The following FAM149A variants were observed in gnomAD, a reference collection of about 807,000 sequenced individuals.
FAM149A encodes the protein family with sequence similarity 149 member A.
Under a neutral mutation model 78.2 loss-of-function variants are expected in FAM149A, and 71 were observed. The ratio of observed to expected loss-of-function variants is 0.91; its 90% CI spans 0.75 to 1.11. FAM149A has a LOEUF of 1.11. Ranked by LOEUF, FAM149A falls within the 50% of genes least tolerant of loss-of-function variation. FAM149A has a pLI of 0.00. For missense variants in FAM149A, 1,036 were observed against 971.0 expected, an observed-to-expected ratio of 1.07 and a Z score of -0.89; for synonymous variants, 446 against 410.5, an observed-to-expected ratio of 1.09 and a Z score of -1.04.
chr4:186,109,873 T>C, intron 1 of FAM149A: 1 of 985,392 alleles, frequency 1.0e-6, no homozygotes, highest in Non-Finnish European at 1.2e-6. Context: ...ATCATTACCT[T>C]CCCTGCATGA....
intron 1 of FAM149A, among the ~76,000 whole-genome samples, chr4:186,108,256 G>A (rs1421055273): frequency 6.6e-6 from 1 of 152,112 alleles, no homozygotes; most frequent in Non-Finnish European, 1.5e-5. Flanking sequence ...ATGAGAATGT[G>A]AATACATATA....
At chr4:186,128,473 T>TAA (rs565736202) in intron 1 of FAM149A, among the ~76,000 whole-genome samples, 2 of 144,744 alleles carry the variant, frequency 1.4e-5, no homozygotes, top group African/African-American at 5.1e-5. Flanking sequence ...CTAAATATTA[T>TAA]AAAAAAAAAA....
In FAM149A at chr4:186,127,295, G is replaced by GTA. The variant is rs1369464462; in HGVS notation, c.566+21653_566+21654insTA. 5.1e-6 allele frequency: 5 copies of GTA among 983,842 alleles called. No individual in the cohort carries two copies. The African/African-American group carries it at 8.7e-5, about 17-fold the overall frequency. The allele number at this position is 983,842 out of a possible 1,614,324, so 60.9% of individuals were successfully genotyped here. On this transcript the variant is annotated intron_variant, in intron 1 of 13. Transcript: ENST00000389354. ...TTTCTTCCGGAGAGTTAGTCTACCA[G>GTA]CACACTGCTGCTAGGAAGTATAAGA...
chr4:186,123,575 G>A (rs1290955040), intron 1 of FAM149A, among the ~76,000 whole-genome samples: 1 of 152,220 alleles, frequency 6.6e-6, no homozygotes, highest in Non-Finnish European at 1.5e-5. Flanking sequence ...CAGCTGGTTT[G>A]CAAGCTCGGT....
intron 7 of FAM149A, among the ~76,000 whole-genome samples, chr4:186,156,895 A>T (rs1286938458): frequency 1.4e-5 from 1 of 73,710 alleles, no homozygotes; most frequent in African/African-American, 3.6e-5. Context: ...GGACCCCTTG[A>T]GCTCAGGAAT....
chr4:186,113,372 G>T, intron 1 of FAM149A, among the ~76,000 whole-genome samples: 1 of 92,728 alleles, frequency 1.1e-5, no homozygotes, highest in Non-Finnish European at 2.2e-5. Context: ...TTTTTGAAGG[G>T]TTTTTTGTGT....
intron 4 of FAM149A, 75 bp from the exon 5 acceptor site, chr4:186,153,570 T>C: frequency 3.2e-6 from 5 of 1,554,314 alleles, no homozygotes; most frequent in Non-Finnish European, 3.5e-6. Context: ...AATCATTGTC[T>C]CCTACTTTTA....
At chr4:186,132,293 G>T (rs2099321061) in intron 1 of FAM149A, 1 of 865,700 alleles carries the variant, frequency 1.2e-6, no homozygotes, top group South Asian at 5.3e-5. Flanking sequence ...CAATGAAATT[G>T]ATTTAAAAGC....
Position 186,170,005 on chromosome 4 carries a change from G to T in FAM149A, c.2219-1909G>T, listed in dbSNP as rs1028069334. The T allele has an allele frequency of 2.5e-5, 23 of 911,966 alleles. No individual in the cohort carries two copies. In the Admixed American group the frequency reaches 1.4e-3, roughly 54 times the overall value. The allele number at this position is 911,966 out of a possible 1,614,324, so 56.5% of individuals were successfully genotyped here. ...TTAACCATTTTTTTAATGCTTCAAA[G>T]TTCATCCCCATTTGGGGAGTGGGAA... On this transcript the variant is annotated intron_variant, in intron 13 of 13. Coordinates refer to ENST00000389354, the MANE Select transcript of FAM149A (RefSeq NM_001367768.3).
chr4:186,105,662 G>T lies in FAM149A; in HGVS notation c.566+20G>T, dbSNP rs1298543850. Reference sequence around the variant, plus strand: ...CGAAGCGTGAGTAGCAGCGTGGTCCGGGCGCGTGTACCTTTTGCCGGGACC... The same window carrying T: ...CGAAGCGTGAGTAGCAGCGTGGTCCTGGCGCGTGTACCTTTTGCCGGGACC... On this transcript the variant is annotated intron_variant, in intron 1 of 13. Transcript: ENST00000389354. 1.9e-6 allele frequency: 2 copies of T among 1,052,328 alleles called. No homozygotes were observed. The highest frequency in any genetic ancestry group is 2.3e-6 in the Non-Finnish European group (2 of 868,306). 65.2% of individuals were successfully genotyped at this position (1,052,328 alleles called of 1,614,324 possible).
Position 186,162,952 on chromosome 4 carries a change from C to A in FAM149A, c.1679+4C>A. ...CCTATTTTGCTGACAGAACGCAGTA[C>A]GTATCAGAATCAGTAGTAGTTACCC... On this transcript the variant is annotated splice_donor_region_variant and intron_variant, in intron 9 of 13. Transcript: ENST00000389354. 1.3e-6 allele frequency: 2 copies of A among 1,570,896 alleles called. No homozygotes were observed. Among genetic ancestry groups the A allele is most frequent in the Non-Finnish European group, 1.7e-6 (2 of 1,144,108 alleles).
At position 186,158,039 on chromosome 4, in the gene FAM149A, CTG is replaced by C. The variant is rs771650900; in HGVS notation, c.1575+322_1575+323del. On this transcript the variant is annotated intron_variant, in intron 8 of 13. Transcript: ENST00000389354. The stretch of plus-strand genomic sequence containing the variant: ...AAAGGACGGACCAGCGATGGCATCT[CTG>C]TCATAAATCTGAAGGGACCTGGGAG... The C allele has an allele frequency of 7.1e-6, 10 of 1,404,726 alleles. No homozygotes were observed. The East Asian group carries it at 2.5e-4, about 35-fold the overall frequency. 87.0% of individuals were successfully genotyped at this position (1,404,726 alleles called of 1,614,324 possible).
In FAM149A at chr4:186,169,395, C is replaced by T. The variant is rs562608722; in HGVS notation, c.2218+2133C>T. ...GGTGCAATGAGGCGCGTGCCCCATG[C>T]AGACGTCCCCAGGCCCCAGGTGAGG... On this transcript the variant is annotated intron_variant, in intron 13 of 13. Coordinates refer to ENST00000389354, the MANE Select transcript of FAM149A (RefSeq NM_001367768.3). 3.6e-5 allele frequency: 35 copies of T among 985,440 alleles called. No homozygotes were observed. The African/African-American group carries it at 5.8e-4, about 16-fold the overall frequency. The allele number at this position is 985,440 out of a possible 1,614,324, so 61.0% of individuals were successfully genotyped here.
intron 8 of FAM149A, among the ~76,000 whole-genome samples, chr4:186,159,872 A>C (rs1194831669): frequency 8.4e-6 from 1 of 118,370 alleles, no homozygotes; most frequent in African/African-American, 3.0e-5. Context: ...TGAGCTACAC[A>C]GAATTTATAG....
intron 1 of FAM149A, chr4:186,131,930 A>G (rs1288729645): frequency 2.0e-6 from 2 of 985,372 alleles, no homozygotes; most frequent in African/African-American, 3.5e-5. Flanking sequence ...TTGTAAGGCC[A>G]GCTAGCCCTT....
Position 186,157,703 on chromosome 4 carries a change from G to C in FAM149A, c.1559G>C (p.Arg520Pro). Reference sequence around the variant, plus strand: ...GCTCACGGCATCTCCCTGGCTTCTCGTCTGAACCCGCCCCAGGTCGGTGCT... The same window carrying C: ...GCTCACGGCATCTCCCTGGCTTCTCCTCTGAACCCGCCCCAGGTCGGTGCT... Residue 520 changes from arginine (R) to proline (P), a missense_variant, in exon 8 of 14, where the codon CGT becomes CCT. By Grantham distance (103) the Arg-to-Pro change is moderately radical (BLOSUM62 -2). Transcript: ENST00000389354. The C allele has an allele frequency of 6.2e-7, 1 of 1,610,870 alleles. No individual in the cohort carries two copies. Among genetic ancestry groups the C allele is most frequent in the Non-Finnish European group, 8.5e-7 (1 of 1,178,184 alleles).
chr4:186,158,799 C>G lies in FAM149A; in HGVS notation c.1575+1080C>G, dbSNP rs971475044. On this transcript the variant is annotated intron_variant, in intron 8 of 13. Transcript: ENST00000389354. Reference sequence around the variant, plus strand: ...CCAGGCAAGCCTGTTCTGCAGCTCCCAATGCTCAGGCCCCTGAATGAGGAG... The same window carrying G: ...CCAGGCAAGCCTGTTCTGCAGCTCCGAATGCTCAGGCCCCTGAATGAGGAG... The G allele has an allele frequency of 2.4e-5, 24 of 1,019,664 alleles. No homozygotes were observed. The African/African-American group carries it at 4.2e-4, about 18-fold the overall frequency. The allele number at this position is 1,019,664 out of a possible 1,614,324, so 63.2% of individuals were successfully genotyped here. A position where few individuals can be genotyped will look rare whatever the true frequency, so the allele number is the denominator to read the frequency against.
chr4:186,160,013 C>CAAACA (rs1734411907), intron 8 of FAM149A, among the ~76,000 whole-genome samples: 1 of 142,188 alleles, frequency 7.0e-6, no homozygotes, highest in African/African-American at 2.6e-5. Context: ...CCCCACACAC[C>CAAACA]CCCCACACAA....
In FAM149A at chr4:186,144,873, G is replaced by T; in HGVS notation, c.567-4300G>T. 1 of 977,986 alleles carries T rather than the reference G, an allele frequency of 1.0e-6. No individual in the cohort carries two copies. Among genetic ancestry groups the T allele is most frequent in the East Asian group, 1.2e-4 (1 of 8,560 alleles). 60.6% of individuals were successfully genotyped at this position (977,986 alleles called of 1,614,324 possible). On this transcript the variant is annotated intron_variant, in intron 1 of 13. Transcript: ENST00000389354. The surrounding 1 kb of genome is among the most constrained non-coding windows in gnomAD (Gnocchi z 4.2). Reference sequence around the variant, plus strand: ...ATCTGGAGAGGGAAGGGGCGTGCGAGCCCCGCGGACCCCGGGCGCGCCCGG... The same window carrying T: ...ATCTGGAGAGGGAAGGGGCGTGCGATCCCCGCGGACCCCGGGCGCGCCCGG...
Sources: gnomAD v4.1 joint callset for allele counts (sites outside exome capture counted in the v4.1 genomes callset) on GRCh38, gnomAD v4.1.1 for gene constraint, Gnocchi (gnomAD v3.1) non-coding constraint, MANE v1.5 for transcripts, NCBI Gene and HGNC (gene_info 2026-07-23, HGNC 2026-07-21) for gene names.